Variants in GALC observed in about 807,000 individuals in gnomAD.
The protein encoded by GALC is galactocerebrosidase.
GALC carries 77 observed loss-of-function variants against 91.8 expected under a neutral mutation model. That is an observed-to-expected ratio of 0.84 (90% CI 0.70 to 1.01). The LOEUF is 1.01. Ranked by LOEUF, GALC falls within the 50% of genes least tolerant of loss-of-function variation. The pLI is 0.00. For synonymous variants in GALC, 357 were observed against 306.7 expected (o/e 1.16, Z -1.71); for missense variants, 882 against 855.9 (o/e 1.03, Z -0.38).
At position 87,992,806 on chromosome 14, in the gene GALC, C is replaced by T. The variant is rs78727833; in HGVS notation, c.195+164G>A. 198,346 of 1,405,422 alleles carry T rather than the reference C, an allele frequency of 0.14. 15,046 individuals carry two copies. The highest frequency in any genetic ancestry group is 0.15 in the Non-Finnish European group (168,278 of 1,085,784). The allele number at this position is 1,405,422 out of a possible 1,614,324, so 87.1% of individuals were successfully genotyped here. ...AAACGAGAAAGCACCCGCCCCAGCCCCGCAGCGGGCCCGCCCCAACCGCCT... is the reference window on the plus strand; with the variant it reads ...AAACGAGAAAGCACCCGCCCCAGCCTCGCAGCGGGCCCGCCCCAACCGCCT... On this transcript the variant is annotated intron_variant, in intron 1 of 16. Coordinates refer to ENST00000261304, the MANE Select transcript of GALC (RefSeq NM_000153.4).
intron 12 of GALC, among the ~76,000 whole-genome samples, chr14:87,949,421 T>C (rs751235787): frequency 6.6e-6 from 1 of 151,980 alleles, no homozygotes; most frequent in Non-Finnish European, 1.5e-5. Context: ...ATCTGCATTT[T>C]TGACATTTCA....
Position 87,934,148 on chromosome 14 carries a change from A to T in GALC, c.*584T>A, listed in dbSNP as rs939264953. On this transcript the variant is annotated 3_prime_UTR_variant, in exon 17 of 17. Coordinates refer to ENST00000261304, the MANE Select transcript of GALC (RefSeq NM_000153.4). ...GGTAGTTTATTAAAGAGGCATTTTT[A>T]AAATCATCCCACTCATCATATCCTG... 2.8e-6 allele frequency: 4 copies of T among 1,426,464 alleles called. No individual in the cohort carries two copies. The highest frequency in any genetic ancestry group is 3.7e-6 in the Non-Finnish European group (4 of 1,092,752). The allele number at this position is 1,426,464 out of a possible 1,614,324, so 88.4% of individuals were successfully genotyped here.
At chr14:87,993,231 A>G (rs571945132), upstream of GALC, 8 of 1,546,360 alleles carry the variant, frequency 5.2e-6, no homozygotes, top group African/African-American at 8.2e-5. Flanking sequence ...AGATACGGGC[A>G]GGAGGCCGCT....
Position 87,986,584 on chromosome 14 carries a change from T to TG in GALC, c.346dup (p.His116ProfsTer8). 1 of 1,612,974 alleles carries TG rather than the reference T, an allele frequency of 6.2e-7. No homozygotes were observed. Among genetic ancestry groups the TG allele is most frequent in the South Asian group, 1.1e-5 (1 of 91,046 alleles). On this transcript the variant is annotated frameshift_variant, in exon 4 of 17. Transcript: ENST00000261304. LOFTEE classifies it high-confidence loss of function. ...ATTCTCATCTAGTGCATAATGCATG[T>TG]GGGAGGGCTCAGTGCCGTCTGAATA...
In GALC at chr14:87,984,497, C is replaced by T. The variant is rs376415427; in HGVS notation, c.479G>A (p.Gly160Asp). The change falls in exon 5 of 17, where the codon GGT becomes GAT. Residue 160 changes from glycine to aspartate, a missense_variant. Gly to Asp is a moderately conservative substitution (Grantham distance 94). Transcript: ENST00000261304. ...PWSFPGWLGK[G>D]FDWPYVNLQL... is the part of the protein sequence containing the mutation. ...AAGATTGACATAAGGCCAGTCGAAACCTTTTCCCAGCCATCCAGGGAATGA... is the reference window on the plus strand; with the variant it reads ...AAGATTGACATAAGGCCAGTCGAAATCTTTTCCCAGCCATCCAGGGAATGA... The T allele has an allele frequency of 1.2e-6, 2 of 1,614,090 alleles. No homozygotes were observed. The highest frequency in any genetic ancestry group is 1.3e-5 in the African/African-American group (1 of 75,036).
intron 6 of GALC, among the ~76,000 whole-genome samples, chr14:87,978,340 C>T (rs78260684): frequency 2.6e-5 from 4 of 152,152 alleles, no homozygotes; most frequent in African/African-American, 9.6e-5. Flanking sequence ...GTGAGCCACT[C>T]CACCCGGCCT....
At chr14:87,947,586 C>G in intron 13 of GALC, 142 bp downstream of exon 13, 2 of 799,674 alleles carry the variant, frequency 2.5e-6, no homozygotes, top group Non-Finnish European at 4.3e-6. Context: ...AATTAGCCCT[C>G]CTTTTACCGC....
At chr14:87,944,682 C>G (rs907139641) in intron 14 of GALC, among the ~76,000 whole-genome samples, 3 of 152,002 alleles carry the variant, frequency 2.0e-5, no homozygotes, top group Non-Finnish European at 4.4e-5. Flanking sequence ...TATGTCAGAG[C>G]TTGGGACTAG....
At chr14:87,954,213 C>G (rs1566979907) in intron 10 of GALC, 7 of 1,555,068 alleles carry the variant, frequency 4.5e-6, no homozygotes, top group South Asian at 1.1e-5. Context: ...TCCGAGGCAG[C>G]CTCAGAGGGT....
At chr14:87,983,256 C>G (rs891158882) in intron 5 of GALC, among the ~76,000 whole-genome samples, 1 of 152,082 alleles carries the variant, frequency 6.6e-6, no homozygotes, top group Non-Finnish European at 1.5e-5. Context: ...CACTTGAACC[C>G]AGGAGGCAGA....
intron 16 of GALC, among the ~76,000 whole-genome samples, chr14:87,939,097 A>C (rs958206857): frequency 6.6e-6 from 1 of 152,114 alleles, no homozygotes; most frequent in Non-Finnish European, 1.5e-5. Context: ...TTCAAATTCA[A>C]TAATAGTGAA....
Position 87,963,572 on chromosome 14 carries a change from G to GA in GALC, c.1034-62dup, listed in dbSNP as rs201562753. 0.025 allele frequency: 27,707 copies of GA among 1,100,104 alleles called. 5 individuals are homozygous for GA. Among genetic ancestry groups the GA allele is most frequent in the Non-Finnish European group, 0.026 (20,937 of 800,036 alleles). 68.1% of individuals were successfully genotyped at this position (1,100,104 alleles called of 1,614,324 possible). A position where few individuals can be genotyped will look rare whatever the true frequency, so the allele number is the denominator to read the frequency against. On this transcript the variant is annotated intron_variant, in intron 9 of 16. Transcript: ENST00000261304. ...ATGGTAATAATAGTATTTCTTTTGG[G>GA]AAAAAAAAAAAGCTGTATATCAATT...
At chr14:87,964,710 G>A (rs1005762045) in intron 9 of GALC, among the ~76,000 whole-genome samples, 1 of 152,082 alleles carries the variant, frequency 6.6e-6, no homozygotes, top group Non-Finnish European at 1.5e-5. Flanking sequence ...TGTAAATTAT[G>A]TCTTGTCTGG....
chr14:87,942,190 C>T (rs142717112), intron 14 of GALC, among the ~76,000 whole-genome samples: 298 of 152,124 alleles, frequency 2.0e-3, no homozygotes, highest in African/African-American at 6.9e-3. Context: ...TACCCCACAG[C>T]GTGATTCAGT....
chr14:87,988,818 C>G lies in GALC; in HGVS notation c.196-295G>C, dbSNP rs78875178. On this transcript the variant is annotated intron_variant, in intron 1 of 16. Coordinates refer to ENST00000261304, the MANE Select transcript of GALC (RefSeq NM_000153.4). The stretch of plus-strand genomic sequence containing the variant: ...TTATCTTGAAACTCAGGTTTTCTAT[C>G]TTGAGACCACTTGACAACAATATCT... 5.8e-3 allele frequency among the ~76,000 whole-genome samples: 876 copies of G among 152,342 alleles called. 4 individuals carry two copies. Among genetic ancestry groups the G allele is most frequent in the Non-Finnish European group, 9.3e-3 (635 of 68,024 alleles).
intron 13 of GALC, 124 bp from the exon 14 acceptor site, chr14:87,945,857 C>G (rs1332356833): frequency 1.3e-6 from 1 of 742,270 alleles, no homozygotes; most frequent in Admixed American, 2.4e-5. Flanking sequence ...AAATCTAAAC[C>G]AAAGTTTAGG....
upstream of GALC, chr14:87,993,574 T>C: frequency 8.7e-7 from 1 of 1,154,514 alleles, no homozygotes; most frequent in Non-Finnish European, 1.2e-6. Context: ...CTTGGTGGAA[T>C]CACTTTGCTT....
intron 12 of GALC, 64 bp from the exon 13 acceptor site, chr14:87,947,942 T>C (rs1555379419): frequency 2.1e-6 from 3 of 1,421,558 alleles, no homozygotes; most frequent in South Asian, 2.4e-5. Context: ...GTGGACAGAA[T>C]AGCTTTAAAA....
At chr14:87,945,911 C>A (rs1252157377) in intron 13 of GALC, among the ~76,000 whole-genome samples, 178 bp from the exon 14 acceptor site, 2 of 151,988 alleles carry the variant, frequency 1.3e-5, no homozygotes, top group Admixed American at 1.3e-4. Context: ...ATCATCATTA[C>A]TAAATATCAA....
Sources: allele counts gnomAD v4.1 joint callset (sites outside exome capture counted in the v4.1 genomes callset), GRCh38; gene constraint gnomAD v4.1.1; transcripts MANE v1.5; gene names NCBI Gene and HGNC (gene_info 2026-07-23, HGNC 2026-07-21).